LPIN3: variants seen among roughly 807,000 people sequenced by gnomAD.
LPIN3 encodes the protein lipin 3.
In LPIN3, 82 loss-of-function variants were observed where a neutral mutation model predicts 94.7. The ratio of observed to expected loss-of-function variants is 0.87; its 90% CI spans 0.72 to 1.04. LPIN3 has a LOEUF of 1.04. Among genes scored for constraint, LPIN3 ranks in the 50% least tolerant of loss-of-function variants. The pLI, the probability that LPIN3 is intolerant of heterozygous loss-of-function variation, is 0.00. For missense variants in LPIN3, 996 were observed against 1,090.5 expected (o/e 0.91, Z 1.22); for synonymous variants, 418 against 443.3 (o/e 0.94, Z 0.72).
Position 41,355,905 on chromosome 20 carries a change from A to G in LPIN3, c.1674A>G (p.Thr558=), listed in dbSNP as rs761690315. 18 of 1,614,114 alleles carry G rather than the reference A, an allele frequency of 1.1e-5. No individual in the cohort carries two copies. The highest frequency in any genetic ancestry group is 1.1e-5 in the Non-Finnish European group (13 of 1,179,972). ...CCAGTGTGGTCCACAGGGAGAAGAC[A>G]GAAGTCCTGAGCAGTGATGACGATG... The part of the protein sequence containing the change: ...TAAKEQQGEK[T]EVLSSDDDAP... The change falls in exon 14 of 20, where the codon ACA becomes ACG. Residue 558 remains threonine, a synonymous_variant. Coordinates refer to ENST00000373257, the MANE Select transcript of LPIN3 (RefSeq NM_022896.3).
chr20:41,356,929 G>A (rs2046226731), intron 14 of LPIN3, 111 bp from the exon 15 acceptor site: 1 of 1,257,616 alleles, frequency 8.0e-7, no homozygotes, highest in Non-Finnish European at 1.1e-6. Flanking sequence ...TGAGCTGGGA[G>A]GAAGAGGAGA....
In LPIN3 at chr20:41,357,441, T is replaced by G. The variant is rs761330628; in HGVS notation, c.2033T>G (p.Ile678Ser). 2 of 1,613,260 alleles carry G rather than the reference T, an allele frequency of 1.2e-6. No homozygotes were observed. The highest frequency in any genetic ancestry group is 1.7e-5 in the Admixed American group (1 of 60,010). Residue 678 changes from isoleucine (I) to serine (S), a missense_variant, in exon 16 of 20, where the codon ATC becomes AGC. Ile to Ser is a moderately radical substitution (Grantham distance 142). Transcript: ENST00000373257. The part of the protein sequence containing the change: ...HQGITSLYHK[I>S]QLNGYKFLYC... ...GGCATCACCAGTCTCTATCACAAAATCCAACTGTGAGTGCCTGGGCTGGGG... is the reference window on the plus strand; with the variant it reads ...GGCATCACCAGTCTCTATCACAAAAGCCAACTGTGAGTGCCTGGGCTGGGG...
Position 41,351,916 on chromosome 20 carries a change from CA to C in LPIN3, c.1201del (p.Ser401ValfsTer19). On this transcript the variant is annotated frameshift_variant, in exon 8 of 20. Coordinates refer to ENST00000373257, the MANE Select transcript of LPIN3 (RefSeq NM_022896.3). LOFTEE classifies it high-confidence loss of function. Reference sequence around the variant, plus strand: ...TGAGAATGCAGCGCTTTACTTCCCCCAAAGGTGCCTGGGTTCTGGATGCCAG... The same window carrying C: ...TGAGAATGCAGCGCTTTACTTCCCCCAAGGTGCCTGGGTTCTGGATGCCAG... ...DSENAALYFP[Q>X]SDSGLGARRW... is the part of the protein sequence containing the mutation. 6.2e-7 allele frequency: 1 copy of C among 1,614,226 alleles called. No individual in the cohort carries two copies. The highest frequency in any genetic ancestry group is 8.5e-7 in the Non-Finnish European group (1 of 1,180,036).
chr20:41,350,110 C>T lies in LPIN3; in HGVS notation c.815C>T (p.Ala272Val). The change falls in exon 7 of 20, where the codon GCA (alanine) becomes GTA (valine). Residue 272 changes from alanine (A) to valine (V), a missense_variant. Transcript: ENST00000373257. Reference protein sequence around the residue: ...SSVVLEGRAGATSPPRGGPST... With the variant: ...SSVVLEGRAGVTSPPRGGPST... ...GTGGTCCTTGAAGGCAGAGCTGGGG[C>T]AACCTCTCCTCCTCGGGGAGGACCC... 1 of 1,611,158 alleles carries T rather than the reference C, an allele frequency of 6.2e-7. No individual in the cohort carries two copies. Among genetic ancestry groups the T allele is most frequent in the South Asian group, 1.1e-5 (1 of 90,510 alleles).
At chr20:41,348,139 A>G (rs2045853662) in intron 3 of LPIN3, among the ~76,000 whole-genome samples, 1 of 152,160 alleles carries the variant, frequency 6.6e-6, no homozygotes, top group Non-Finnish European at 1.5e-5. Context: ...TTGAGTCCCT[A>G]CTGTAGGCCA....
rs1263492977 is a variant in LPIN3, at chr20:41,358,300, G to A, written c.2256G>A (p.Leu752=). The change falls in exon 18 of 20, where the codon CTG becomes CTA. Residue 752 remains leucine (L), a synonymous_variant. Coordinates refer to ENST00000373257, the MANE Select transcript of LPIN3 (RefSeq NM_022896.3). ...CCTGCCTGAGTGACATCCAGCAGCTGTTTCTGCCCCACGGACAGCCCTTCT... is the reference window on the plus strand; with the variant it reads ...CCTGCCTGAGTGACATCCAGCAGCTATTTCTGCCCCACGGACAGCCCTTCT... ...KVACLSDIQQ[L]FLPHGQPFYA... is the part of the protein sequence containing the mutation. 6.2e-7 allele frequency: 1 copy of A among 1,614,086 alleles called. No individual in the cohort carries two copies. Among genetic ancestry groups the A allele is most frequent in the Admixed American group, 1.7e-5 (1 of 60,006 alleles).
chr20:41,358,257 CAG>C lies in LPIN3; in HGVS notation c.2216_2217del (p.Glu739GlyfsTer9). 2 of 1,614,052 alleles carry C rather than the reference CAG, an allele frequency of 1.2e-6. No homozygotes were observed. Among genetic ancestry groups the C allele is most frequent in the African/African-American group, 1.3e-5 (1 of 75,048 alleles). On this transcript the variant is annotated frameshift_variant, in exon 18 of 20. Coordinates refer to ENST00000373257, the MANE Select transcript of LPIN3 (RefSeq NM_022896.3). LOFTEE classifies it high-confidence loss of function. ...CCCAGAGAGGTGATCGAGAAGAAAC[CAG>C]AGGTGTTCAAGGTCGCCTGCCTGAG...
intron 11 of LPIN3, among the ~76,000 whole-genome samples, chr20:41,353,756 G>T (rs1266473520): frequency 6.6e-6 from 1 of 152,228 alleles, no homozygotes; most frequent in Non-Finnish European, 1.5e-5. Flanking sequence ...ACACTGACCT[G>T]GCATGGCCTA....
intron 1 of LPIN3, among the ~76,000 whole-genome samples, chr20:41,345,507 G>A (rs915448879): frequency 6.6e-6 from 1 of 152,240 alleles, no homozygotes; most frequent in South Asian, 2.1e-4. Flanking sequence ...TTAGAGGCAC[G>A]AGGCAACTGG....
At position 41,345,776 on chromosome 20, in the gene LPIN3, C is replaced by A; in HGVS notation, c.-8-20C>A. ...GAGCTGGAGCAGACCTTTGTGCAAG[C>A]CACTGCCTTTCTTTGCCAGCACCAG... On this transcript the variant is annotated intron_variant, in intron 1 of 19. Coordinates refer to ENST00000373257, the MANE Select transcript of LPIN3 (RefSeq NM_022896.3). The A allele has an allele frequency of 6.3e-7, 1 of 1,595,474 alleles. No homozygotes were observed. The highest frequency in any genetic ancestry group is 8.6e-7 in the Non-Finnish European group (1 of 1,167,648).
chr20:41,351,663 A>C (rs906602557), intron 7 of LPIN3, among the ~76,000 whole-genome samples, 158 bp from the exon 8 acceptor site: 2 of 152,188 alleles, frequency 1.3e-5, no homozygotes, highest in Non-Finnish European at 2.9e-5. Flanking sequence ...TGTGGCTAGC[A>C]GCTAATATAT....
intron 9 of LPIN3, 111 bp downstream of exon 9, chr20:41,352,331 C>T: frequency 7.8e-7 from 1 of 1,280,428 alleles, no homozygotes; most frequent in Non-Finnish European, 1.1e-6. Flanking sequence ...GCTGGGCTTC[C>T]CTGCAGCTCT....
At chr20:41,346,372 T>C (rs1337014130) in intron 2 of LPIN3, among the ~76,000 whole-genome samples, 1 of 152,230 alleles carries the variant, frequency 6.6e-6, no homozygotes, top group Non-Finnish European at 1.5e-5. Flanking sequence ...GTGGGACAAG[T>C]CAATAGCAAC....
intron 7 of LPIN3, 28 bp downstream of exon 7, chr20:41,350,425 C>A: frequency 6.6e-7 from 1 of 1,505,758 alleles, no homozygotes; most frequent in Non-Finnish European, 8.9e-7. Context: ...TCTCCCACTG[C>A]CTCCCTGGCC....
At chr20:41,349,550 C>T (rs965358721) in intron 5 of LPIN3, among the ~76,000 whole-genome samples, 1 of 150,712 alleles carries the variant, frequency 6.6e-6, no homozygotes, top group Admixed American at 6.5e-5. Context: ...TTCCTTCCTT[C>T]CTTCCTCCCT....
chr20:41,341,678 G>A (rs1421992604), intron 1 of LPIN3, among the ~76,000 whole-genome samples: 2 of 152,208 alleles, frequency 1.3e-5, no homozygotes, highest in Non-Finnish European at 2.9e-5. Flanking sequence ...GGCCTTGAGT[G>A]CCAAGTTAAG....
At chr20:41,348,914 C>T in intron 4 of LPIN3, 27 bp downstream of exon 4, 1 of 1,593,866 alleles carries the variant, frequency 6.3e-7, no homozygotes, top group Non-Finnish European at 8.6e-7. Context: ...GGACTTGAAC[C>T]CCAGTTTGGG....
At position 41,354,816 on chromosome 20, in the gene LPIN3, A is replaced by G; in HGVS notation, c.1621-4A>G. 1 of 1,605,562 alleles carries G rather than the reference A, an allele frequency of 6.2e-7. No individual in the cohort carries two copies. The highest frequency in any genetic ancestry group is 1.7e-4 in the Middle Eastern group (1 of 6,046). On this transcript the variant is annotated splice_polypyrimidine_tract_variant and splice_region_variant and intron_variant, in intron 12 of 19. Coordinates refer to ENST00000373257, the MANE Select transcript of LPIN3 (RefSeq NM_022896.3). ...GGATTCACTAATGGATGTTCTTTCC[A>G]CAGCGCAGTGCCCAGAAGGAGAAGA...
In LPIN3 at chr20:41,350,109, G is replaced by T. The variant is rs2045950220; in HGVS notation, c.814G>T (p.Ala272Ser). 1 of 1,611,034 alleles carries T rather than the reference G, an allele frequency of 6.2e-7. No individual in the cohort carries two copies. The highest frequency in any genetic ancestry group is 8.5e-7 in the Non-Finnish European group (1 of 1,178,822). The stretch of plus-strand genomic sequence containing the variant: ...AGTGGTCCTTGAAGGCAGAGCTGGG[G>T]CAACCTCTCCTCCTCGGGGAGGACC... ...SSVVLEGRAGATSPPRGGPST... is the reference protein window; with the variant it reads ...SSVVLEGRAGSTSPPRGGPST... Residue 272 changes from alanine (A) to serine (S), a missense_variant, in exon 7 of 20, where the codon GCA (alanine) becomes TCA (serine). By Grantham distance (99) the Ala-to-Ser change is moderately conservative. Coordinates refer to ENST00000373257, the MANE Select transcript of LPIN3 (RefSeq NM_022896.3).
Sources: allele counts gnomAD v4.1 joint callset (sites outside exome capture counted in the v4.1 genomes callset), GRCh38; gene constraint gnomAD v4.1.1; transcripts MANE v1.5; gene names NCBI Gene and HGNC (gene_info 2026-07-23, HGNC 2026-07-21).